The following ALK variants were observed in gnomAD, a reference collection of about 807,000 sequenced individuals.
The protein encoded by ALK is ALK receptor tyrosine kinase, also known as ALK tyrosine kinase receptor.
In ALK, 74 loss-of-function variants were observed where a neutral mutation model predicts 163.1. The observed-to-expected ratio is 0.45, with a 90% confidence interval of 0.38 to 0.55. ALK has a LOEUF of 0.55. Among genes scored for constraint, ALK ranks in the 20% least tolerant of loss-of-function variants. The pLI is 0.00. For missense variants in ALK, 2,063 were observed against 2,105.3 expected, an observed-to-expected ratio of 0.98 and a Z score of 0.39; for synonymous variants, 960 against 843.2, an observed-to-expected ratio of 1.14 and a Z score of -2.40.
intron 1 of ALK, among the ~76,000 whole-genome samples, chr2:29,833,220 C>T (rs777406592): frequency 1.2e-4 from 18 of 152,182 alleles, no homozygotes; most frequent in Non-Finnish European, 4.4e-5. Flanking sequence ...ATTGAAAGAA[C>T]GATGAAAAGG....
intron 4 of ALK, among the ~76,000 whole-genome samples, chr2:29,512,266 G>A (rs1379285405): frequency 1.3e-5 from 2 of 151,534 alleles, no homozygotes; most frequent in African/African-American, 2.4e-5. Flanking sequence ...CTGGCAAACC[G>A]AATCCAGCAG....
At chr2:29,444,083 T>C (rs756163870) in intron 4 of ALK, among the ~76,000 whole-genome samples, 1 of 152,228 alleles carries the variant, frequency 6.6e-6, no homozygotes, top group Non-Finnish European at 1.5e-5. Flanking sequence ...TAAAATAAAC[T>C]ACAGTAGAGA....
intron 12 of ALK, among the ~76,000 whole-genome samples, chr2:29,243,458 C>A (rs539796421): frequency 1.4e-3 from 209 of 152,308 alleles, no homozygotes; most frequent in African/African-American, 3.8e-3. Flanking sequence ...CTTCAGAGCC[C>A]AGAGGGTAGC....
chr2:29,620,268 C>A (rs1675991758), intron 3 of ALK, among the ~76,000 whole-genome samples: 1 of 152,058 alleles, frequency 6.6e-6, no homozygotes, highest in South Asian at 2.1e-4. Flanking sequence ...AGGGAAGGAT[C>A]CATTCCAGGC....
At chr2:29,203,779 C>T (rs546023731) in intron 26 of ALK, among the ~76,000 whole-genome samples, 30 of 151,964 alleles carry the variant, frequency 2.0e-4, no homozygotes, top group Non-Finnish European at 4.3e-4. Flanking sequence ...CCACTGCGCC[C>T]GGCCGAGGAT....
intron 13 of ALK, among the ~76,000 whole-genome samples, chr2:29,235,699 GTTCT>G (rs1330103252): frequency 6.6e-6 from 1 of 151,650 alleles, no homozygotes; most frequent in East Asian, 1.9e-4. Context: ...TCCAATCTGG[GTTCT>G]TTCTTTTGAG....
intron 4 of ALK, among the ~76,000 whole-genome samples, chr2:29,492,333 A>G (rs1487041002): frequency 1.3e-5 from 2 of 152,240 alleles, no homozygotes; most frequent in Non-Finnish European, 2.9e-5. Flanking sequence ...CATGGAAGAC[A>G]TGGAGCTAGC....
chr2:29,774,147 C>G (rs894944271), intron 1 of ALK, among the ~76,000 whole-genome samples: 8 of 152,180 alleles, frequency 5.3e-5, no homozygotes, highest in Admixed American at 5.2e-4. Flanking sequence ...TATTTACAAA[C>G]AGGATGCTTA....
chr2:29,342,675 T>A (rs892568112), intron 5 of ALK, among the ~76,000 whole-genome samples: 1 of 152,086 alleles, frequency 6.6e-6, no homozygotes, highest in Non-Finnish European at 1.5e-5. Context: ...CAGGGGGAAG[T>A]CAGTGTGGCC....
At chr2:29,378,093 A>G (rs974261892) in intron 5 of ALK, among the ~76,000 whole-genome samples, 8 of 152,230 alleles carry the variant, frequency 5.3e-5, no homozygotes, top group Non-Finnish European at 1.2e-4. Flanking sequence ...CACAGGAGCT[A>G]TCTACATTTC....
intron 3 of ALK, among the ~76,000 whole-genome samples, chr2:29,551,936 G>A (rs567623847): frequency 1.3e-5 from 2 of 152,172 alleles, no homozygotes; most frequent in African/African-American, 4.8e-5. Flanking sequence ...CCAATGTTGT[G>A]CAACTATCAT....
At chr2:29,826,383 C>A (rs1225450373) in intron 1 of ALK, among the ~76,000 whole-genome samples, 3 of 149,492 alleles carry the variant, frequency 2.0e-5, no homozygotes, top group African/African-American at 7.4e-5. Flanking sequence ...ATCACAATGA[C>A]AAAATTCTCC....
intron 4 of ALK, among the ~76,000 whole-genome samples, chr2:29,412,158 C>T (rs1669740316): frequency 6.6e-6 from 1 of 152,136 alleles, no homozygotes; most frequent in Non-Finnish European, 1.5e-5. Flanking sequence ...GGGAGAGACA[C>T]CACTTTGATC....
At position 29,674,706 on chromosome 2, in the gene ALK, G is replaced by A. The variant is rs879769002; in HGVS notation, c.952+20144C>T. Among the ~76,000 whole-genome samples the A allele has an allele frequency of 2.5e-3, 382 of 150,726 alleles. 2 individuals are homozygous for A. The highest frequency in any genetic ancestry group is 0.014 in the Middle Eastern group (4 of 288). ...TGGCCTCATAAAATGAGTTAGGGAG[G>A]ATTCCCTCTTTTTCTATTGATTGGA... On this transcript the variant is annotated intron_variant, in intron 3 of 28. Coordinates refer to ENST00000389048, the MANE Select transcript of ALK (RefSeq NM_004304.5).
chr2:29,860,312 A>G (rs1311468620), intron 1 of ALK, among the ~76,000 whole-genome samples: 2 of 150,634 alleles, frequency 1.3e-5, no homozygotes, highest in African/African-American at 2.4e-5. Context: ...AGCTCTTGTT[A>G]GGAAGTCTCT....
At chr2:29,390,736 G>A (rs556589944) in intron 4 of ALK, among the ~76,000 whole-genome samples, 1 of 152,166 alleles carries the variant, frequency 6.6e-6, no homozygotes, top group Admixed American at 6.5e-5. Context: ...AAATCAGCCT[G>A]CATTTAAAGC....
intron 1 of ALK, among the ~76,000 whole-genome samples, chr2:29,810,343 A>G (rs1664725739): frequency 6.7e-6 from 1 of 148,522 alleles, no homozygotes; most frequent in Non-Finnish European, 1.5e-5. Flanking sequence ...AATCGCTTGA[A>G]CCCGGGAGGC....
At chr2:29,298,519 A>C (rs536915154) in intron 8 of ALK, among the ~76,000 whole-genome samples, 90 of 152,242 alleles carry the variant, frequency 5.9e-4, no homozygotes, top group African/African-American at 2.1e-3. Flanking sequence ...ATGAATTCAG[A>C]CTGTTGAGTC....
At chr2:29,866,649 G>C (rs183253677) in intron 1 of ALK, among the ~76,000 whole-genome samples, 26 of 152,350 alleles carry the variant, frequency 1.7e-4, no homozygotes, top group African/African-American at 6.3e-4. Context: ...ATTTACCAGA[G>C]ACTGGCAGTG....
Sources: allele counts gnomAD v4.1 joint callset (sites outside exome capture counted in the v4.1 genomes callset), GRCh38; gene constraint gnomAD v4.1.1; transcripts MANE v1.5; gene names NCBI Gene and HGNC (gene_info 2026-07-23, HGNC 2026-07-21).